Variants in PPIL2 observed in about 807,000 individuals in gnomAD.
PPIL2 encodes RING-type E3 ubiquitin-protein ligase PPIL2.
Under a neutral mutation model 75.2 loss-of-function variants are expected in PPIL2, and 50 were observed. The observed-to-expected ratio is 0.66, with a 90% CI of 0.53 to 0.84. PPIL2 has a LOEUF of 0.84. Among genes scored for constraint, PPIL2 ranks in the 40% least tolerant of loss-of-function variants. The pLI is 0.00. For synonymous variants in PPIL2, 245 were observed against 258.8 expected (o/e 0.95, Z 0.51); for missense variants, 590 against 685.0 (o/e 0.86, Z 1.55).
At chr22:21,682,727 G>T (rs1020130874) in intron 8 of PPIL2, among the ~76,000 whole-genome samples, 2 of 152,258 alleles carry the variant, frequency 1.3e-5, no homozygotes, top group Non-Finnish European at 2.9e-5. Flanking sequence ...CAAAGACCCT[G>T]TATCTGGCAC....
chr22:21,681,186 T>A (rs977623302), intron 6 of PPIL2, 113 bp from the exon 7 acceptor site: 1 of 826,880 alleles, frequency 1.2e-6, no homozygotes, highest in African/African-American at 1.7e-5. Context: ...GGGTTCCACC[T>A]CCTCCCATCG....
intron 6 of PPIL2, among the ~76,000 whole-genome samples, chr22:21,675,639 G>T (rs1333423274): frequency 6.6e-6 from 1 of 152,266 alleles, no homozygotes; most frequent in Non-Finnish European, 1.5e-5. Context: ...CCACAAAGGC[G>T]ATCAGGCCAT....
chr22:21,692,358 G>A (rs541053521), intron 15 of PPIL2, among the ~76,000 whole-genome samples: 1 of 151,306 alleles, frequency 6.6e-6, no homozygotes, highest in Non-Finnish European at 1.5e-5. Flanking sequence ...GTTTCACCGT[G>A]TTAGCGAGGA....
chr22:21,690,909 T>G (rs2067591668), intron 15 of PPIL2, among the ~76,000 whole-genome samples: 1 of 151,934 alleles, frequency 6.6e-6, no homozygotes. Context: ...TATTTCTCTT[T>G]GGCTTAACCA....
At chr22:21,685,734 C>T in intron 10 of PPIL2, 1 of 437,548 alleles carries the variant, frequency 2.3e-6, no homozygotes, top group South Asian at 1.6e-5. Context: ...CAGGTGTGAG[C>T]CACTGTGCCT....
chr22:21,680,673 CAGAAAA>C lies in PPIL2; in HGVS notation c.296-624_296-619del, dbSNP rs538623842. On this transcript the variant is annotated intron_variant, in intron 6 of 19. Transcript: ENST00000398831. ...TGAAACCCCATCTCTACTAAAAATA[CAGAAAA>C]ATTAGCCGGGCATGATGGCAGGCAC... Among the ~76,000 whole-genome samples the C allele has an allele frequency of 3.7e-3, 559 of 151,458 alleles. 3 individuals carry two copies. The highest frequency in any genetic ancestry group is 6.4e-3 in the Non-Finnish European group (437 of 67,824).
In PPIL2 at chr22:21,688,766, C is replaced by T. The variant is rs751394220; in HGVS notation, c.1056C>T (p.Asp352=). The T allele has an allele frequency of 2.5e-5, 41 of 1,614,088 alleles. No individual in the cohort carries two copies. Among genetic ancestry groups the T allele is most frequent in the South Asian group, 1.6e-4 (15 of 91,092 alleles). Residue 352 remains aspartate, a synonymous_variant, in exon 15 of 20, where the codon GAC becomes GAT. Transcript: ENST00000398831. ...CATACTGGGGGAAGCCCTTCAAAGA[C>T]GAGTTCCGGCCCAACCTCTCGCACA... is the stretch of plus-strand genomic sequence containing the variant. ...GESYWGKPFK[D]EFRPNLSHTG...
Position 21,692,258 on chromosome 22 carries a change from C to T in PPIL2, c.1140-1558C>T, listed in dbSNP as rs1008088360. 3.3e-5 allele frequency among the ~76,000 whole-genome samples: 5 copies of T among 152,070 alleles called. No homozygotes were observed. The South Asian group carries it at 6.2e-4, about 19-fold the overall frequency. ...GCAAGCTCCGCCTCCCAGGTTCATG[C>T]CATTCTCCTGCCTCAGCCTCCCTAG... is the stretch of plus-strand genomic sequence containing the variant. On this transcript the variant is annotated intron_variant, in intron 15 of 19. Transcript: ENST00000398831.
intron 14 of PPIL2, 48 bp downstream of exon 14, chr22:21,688,154 G>T (rs774484328): frequency 1.9e-6 from 3 of 1,609,448 alleles, no homozygotes; most frequent in Non-Finnish European, 8.5e-7. Context: ...GCTGCTCCGT[G>T]GGGCATGAGG....
rs146646471 is a variant in PPIL2, at chr22:21,694,942, G to A, written c.1338G>A (p.Ala446=). 1.1e-4 allele frequency: 170 copies of A among 1,613,290 alleles called. No homozygotes were observed. The highest frequency in any genetic ancestry group is 1.3e-4 in the Non-Finnish European group (157 of 1,179,740). ...DPYEEADAQI[A]QERKTQLKVA... ...AGCGCCCTGTTGTGCCACAGATTGC[G>A]CAGGAGCGGAAGACACAGCTCAAGG... Residue 446 remains alanine (A), a synonymous_variant, in exon 19 of 20, where the codon GCG becomes GCA. Transcript: ENST00000398831.
chr22:21,669,790 G>A (rs1259507366), intron 1 of PPIL2, 123 bp from the exon 2 acceptor site: 25 of 1,030,192 alleles, frequency 2.4e-5, no homozygotes, highest in African/African-American at 7.9e-5. Flanking sequence ...GTTAGCCACC[G>A]TGCCCGCCCC....
At chr22:21,693,696 C>T (rs958258117) in intron 15 of PPIL2, 120 bp from the exon 16 acceptor site, 28 of 1,017,490 alleles carry the variant, frequency 2.8e-5, no homozygotes, top group Admixed American at 1.6e-4. Context: ...CACATGCGTC[C>T]GTGGAAGCTG....
In PPIL2 at chr22:21,688,859, C is replaced by T. The variant is rs2067496473; in HGVS notation, c.1139+10C>T. ...GCAACAGGTCTCAATTGTGAGTCAG[C>T]TGGGCTTGCTGGGGTGGCCTGGGAG... is the stretch of plus-strand genomic sequence containing the variant. On this transcript the variant is annotated intron_variant, in intron 15 of 19. Transcript: ENST00000398831. 1.2e-6 allele frequency: 2 copies of T among 1,612,280 alleles called. No homozygotes were observed. The highest frequency in any genetic ancestry group is 4.5e-5 in the East Asian group (2 of 44,858).
intron 3 of PPIL2, 82 bp from the exon 4 acceptor site, chr22:21,670,915 G>A (rs2066606338): frequency 1.5e-6 from 2 of 1,333,754 alleles, no homozygotes. Flanking sequence ...AGCATTTCAG[G>A]AGGTCACCAT....
In PPIL2 at chr22:21,696,863, C is replaced by A; in HGVS notation, c.*1373C>A. Reference sequence around the variant, plus strand: ...GGTGGCGCCTCATCTGCATCTCTGCCTCACCCCATCCACTGCCACAGGCTG... The same window carrying A: ...GGTGGCGCCTCATCTGCATCTCTGCATCACCCCATCCACTGCCACAGGCTG... On this transcript the variant is annotated 3_prime_UTR_variant, in exon 20 of 20. Coordinates refer to ENST00000398831, the MANE Select transcript of PPIL2 (RefSeq NM_014337.4). 1 of 1,584,114 alleles carries A rather than the reference C, an allele frequency of 6.3e-7. No homozygotes were observed. The highest frequency in any genetic ancestry group is 1.2e-5 in the South Asian group (1 of 85,992).
rs2067371343 is a variant in PPIL2, at chr22:21,686,567, C to T, written c.790+9C>T. On this transcript the variant is annotated intron_variant, in intron 11 of 19. Coordinates refer to ENST00000398831, the MANE Select transcript of PPIL2 (RefSeq NM_014337.4). The stretch of plus-strand genomic sequence containing the variant: ...GACCACACATGAAGCAGGTAGCCAC[C>T]TTGGCCTCTGTAGCCACCTGCCATG... 2 of 1,613,610 alleles carry T rather than the reference C, an allele frequency of 1.2e-6. No homozygotes were observed. The highest frequency in any genetic ancestry group is 1.7e-6 in the Non-Finnish European group (2 of 1,179,572).
Position 21,696,167 on chromosome 22 carries a change from C to T in PPIL2, c.*677C>T, listed in dbSNP as rs2067920606. 2.0e-6 allele frequency: 2 copies of T among 998,780 alleles called. No homozygotes were observed. The highest frequency in any genetic ancestry group is 2.4e-6 in the Non-Finnish European group (2 of 837,252). The allele number at this position is 998,780 out of a possible 1,614,324, so 61.9% of individuals were successfully genotyped here. A position where few individuals can be genotyped will look rare whatever the true frequency, so the allele number is the denominator to read the frequency against. ...GTCTGTTTTGACAAAACTTCAGGGG[C>T]TTCTGAAGGCTGGTGTTGGACGGCA... On this transcript the variant is annotated 3_prime_UTR_variant, in exon 20 of 20. Transcript: ENST00000398831.
chr22:21,696,639 C>G lies in PPIL2; in HGVS notation c.*1149C>G. On this transcript the variant is annotated 3_prime_UTR_variant, in exon 20 of 20. Coordinates refer to ENST00000398831, the MANE Select transcript of PPIL2 (RefSeq NM_014337.4). ...GCCTGACACTTGCCTCTTGGGCTCC[C>G]TGTTGCCCTCAGGCCACCCCCCACT... 6.6e-7 allele frequency: 1 copy of G among 1,512,060 alleles called. No individual in the cohort carries two copies. Among genetic ancestry groups the G allele is most frequent in the African/African-American group, 1.4e-5 (1 of 72,784 alleles). 93.7% of individuals were successfully genotyped at this position (1,512,060 alleles called of 1,614,324 possible). A position where few individuals can be genotyped will look rare whatever the true frequency, so the allele number is the denominator to read the frequency against.
rs1000806198 is a variant in PPIL2 at position 21,697,310 on chromosome 22, A to T, written c.*1820A>T. The T allele has an allele frequency of 3.0e-6, 1 of 336,108 alleles. No homozygotes were observed. The highest frequency in any genetic ancestry group is 5.6e-6 in the Non-Finnish European group (1 of 178,460). The allele number at this position is 336,108 out of a possible 1,614,324, so 20.8% of individuals were successfully genotyped here. ...ACCAGGGAGGGAGAAGCAGGTTTGG[A>T]GAGGACCCTGTGCCCACCCTGACAG... On this transcript the variant is annotated 3_prime_UTR_variant, in exon 20 of 20. Coordinates refer to ENST00000398831, the MANE Select transcript of PPIL2 (RefSeq NM_014337.4).
Sources: allele counts gnomAD v4.1 joint callset (sites outside exome capture counted in the v4.1 genomes callset), GRCh38; gene constraint gnomAD v4.1.1; transcripts MANE v1.5; gene names NCBI Gene and HGNC (gene_info 2026-07-23, HGNC 2026-07-21).